The following MYO16 variants were observed in gnomAD, a reference collection of about 807,000 sequenced individuals.
The protein encoded by MYO16 is myosin XVI, also known as unconventional myosin-XVI.
In MYO16, 94 loss-of-function variants were observed where a neutral mutation model predicts 205.3. The ratio of observed to expected loss-of-function variants is 0.46; its 90% CI spans 0.39 to 0.54. The LOEUF (loss-of-function observed/expected upper bound fraction) is 0.54. Among genes scored for constraint, MYO16 ranks in the 20% least tolerant of loss-of-function variants. MYO16 has a pLI of 0.00. For synonymous variants in MYO16, 988 were observed against 954.0 expected, an observed-to-expected ratio of 1.04 and a Z score of -0.66; for missense variants, 2,315 against 2,387.5, an observed-to-expected ratio of 0.97 and a Z score of 0.63.
chr13:108,823,563 A>G (rs1228824835), intron 9 of MYO16, among the ~76,000 whole-genome samples: 2 of 152,146 alleles, frequency 1.3e-5, no homozygotes, highest in Non-Finnish European at 2.9e-5. Context: ...AGCTAAACTG[A>G]TAGTGAAGTT....
intron 12 of MYO16, among the ~76,000 whole-genome samples, chr13:108,874,696 C>CATTATTATTATT (rs34831399): frequency 3.7e-5 from 4 of 106,848 alleles, no homozygotes; most frequent in East Asian, 2.2e-4. Flanking sequence ...TCATCATCAT[C>CATTATTATTATT]ATTATTATTA....
intron 2 of MYO16, among the ~76,000 whole-genome samples, chr13:108,687,672 G>C (rs1449077539): frequency 6.6e-6 from 1 of 152,120 alleles, no homozygotes; most frequent in East Asian, 1.9e-4. Flanking sequence ...ACCCACAATA[G>C]AAAAATGAAC....
chr13:109,167,659 A>G (rs1308409486), intron 33 of MYO16, among the ~76,000 whole-genome samples: 1 of 152,198 alleles, frequency 6.6e-6, no homozygotes, highest in Non-Finnish European at 1.5e-5. Flanking sequence ...TGCAAAGCCT[A>G]AGTAGGATAC....
intron 16 of MYO16, among the ~76,000 whole-genome samples, chr13:108,933,350 AC>A (rs1566419443): frequency 6.6e-6 from 1 of 152,128 alleles, no homozygotes; most frequent in Non-Finnish European, 1.5e-5. Flanking sequence ...AGTGGACTAA[AC>A]AAGTTGTTCT....
intron 4 of MYO16, among the ~76,000 whole-genome samples, chr13:108,769,725 G>A (rs1885899679): frequency 2.6e-5 from 4 of 152,130 alleles, no homozygotes; most frequent in Admixed American, 2.6e-4. Context: ...CATCAGGAAG[G>A]AAAGAGGAGG....
chr13:108,636,357 TTTTTTTTTTTTTTGTGTGTGTG>T (rs1880234621), intron 1 of MYO16, among the ~76,000 whole-genome samples: 1 of 60,726 alleles, frequency 1.6e-5, no homozygotes, highest in African/African-American at 7.1e-5. Context: ...TTTTTTTTTT[TTTTTTTTTTTTTTGTGTGTGTG>T]TGTGTGTGTG....
In MYO16 at chr13:108,783,581, G is replaced by A. The variant is rs1042719602; in HGVS notation, c.508-2054G>A. On this transcript the variant is annotated intron_variant, in intron 4 of 34. Transcript: ENST00000457511. Reference sequence around the variant, plus strand: ...GAGGACATGAGATTTGTAGGGACCAGGGGCAGAATGATGTAGTTTGGCTGT... The same window carrying A: ...GAGGACATGAGATTTGTAGGGACCAAGGGCAGAATGATGTAGTTTGGCTGT... Among the ~76,000 whole-genome samples, 4 of 152,262 alleles carry A rather than the reference G, an allele frequency of 2.6e-5. No individual in the cohort carries two copies. The South Asian group carries it at 8.3e-4, about 32-fold the overall frequency.
At chr13:108,901,922 T>G (rs143745961) in intron 15 of MYO16, among the ~76,000 whole-genome samples, 2 of 152,340 alleles carry the variant, frequency 1.3e-5, no homozygotes, top group African/African-American at 4.8e-5. Context: ...AATCAGTTGT[T>G]TCCTGGTTTT....
At chr13:108,978,421 T>C (rs1436289847) in intron 20 of MYO16, among the ~76,000 whole-genome samples, 1 of 152,100 alleles carries the variant, frequency 6.6e-6, no homozygotes, top group Non-Finnish European at 1.5e-5. Context: ...CTCTGCCTAG[T>C]GTTTTCAATC....
chr13:109,180,463 T>C (rs1304395350), intron 34 of MYO16, among the ~76,000 whole-genome samples: 1 of 152,212 alleles, frequency 6.6e-6, no homozygotes, highest in Non-Finnish European at 1.5e-5. Context: ...GCAACAGGAT[T>C]CTCATTTTAT....
At chr13:109,031,798 G>A (rs1226899107) in intron 23 of MYO16, among the ~76,000 whole-genome samples, 1 of 152,058 alleles carries the variant, frequency 6.6e-6, no homozygotes, top group East Asian at 1.9e-4. Context: ...TGATATTTCT[G>A]GTCTCTGTCT....
chr13:108,544,066 CAAAAAAAAAAA>C, the MYO16 span, among the ~76,000 whole-genome samples: 1 of 51,404 alleles, frequency 1.9e-5, no homozygotes, highest in Non-Finnish European at 4.0e-5. Context: ...ACTCCGTCTC[CAAAAAAAAAAA>C]AAAAAAAAAA....
intron 1 of MYO16, among the ~76,000 whole-genome samples, chr13:108,639,894 G>A (rs922916218): frequency 1.3e-5 from 2 of 152,190 alleles, no homozygotes; most frequent in Non-Finnish European, 1.5e-5. Flanking sequence ...TACGATAAAT[G>A]GAATATTCAA....
chr13:108,730,916 A>T (rs1374097289), intron 4 of MYO16, among the ~76,000 whole-genome samples: 1 of 152,158 alleles, frequency 6.6e-6, no homozygotes, highest in East Asian at 1.9e-4. Flanking sequence ...TACTATTAAG[A>T]TTACCAGTAC....
chr13:108,555,581 C>A, the MYO16 span, among the ~76,000 whole-genome samples: 62 of 152,120 alleles, frequency 4.1e-4, no homozygotes, highest in Admixed American at 4.1e-3. Flanking sequence ...ACATAGTTAT[C>A]TTTTTTTGTG....
At chr13:108,821,270 A>G (rs1371387790) in intron 8 of MYO16, among the ~76,000 whole-genome samples, 2 of 152,138 alleles carry the variant, frequency 1.3e-5, no homozygotes, top group Non-Finnish European at 2.9e-5. Flanking sequence ...AGTTAAAGCC[A>G]GAAGAAGGGA....
intron 17 of MYO16, among the ~76,000 whole-genome samples, chr13:108,959,614 T>C (rs1883506107): frequency 6.6e-6 from 1 of 152,122 alleles, no homozygotes. Context: ...AGGGATAGAT[T>C]ATGTCCAGTA....
chr13:108,941,676 C>CAAAAA (rs576929781), intron 16 of MYO16, among the ~76,000 whole-genome samples: 4 of 45,034 alleles, frequency 8.9e-5, no homozygotes, highest in African/African-American at 1.9e-4. Context: ...GACTCAGTCT[C>CAAAAA]AAAAAAAAAA....
At chr13:108,558,917 G>A in the MYO16 span, among the ~76,000 whole-genome samples, 1 of 151,632 alleles carries the variant, frequency 6.6e-6, no homozygotes, top group Non-Finnish European at 1.5e-5. Flanking sequence ...GTATTGGTGA[G>A]CACAGCTCAA....
Sources: allele counts gnomAD v4.1 joint callset (sites outside exome capture counted in the v4.1 genomes callset), GRCh38; gene constraint gnomAD v4.1.1; transcripts MANE v1.5; gene names NCBI Gene and HGNC (gene_info 2026-07-23, HGNC 2026-07-21).